ZCCHC8: variants seen among roughly 807,000 people sequenced by gnomAD.
The protein encoded by ZCCHC8 is zinc finger CCHC domain-containing protein 8.
ZCCHC8 carries 27 observed loss-of-function variants against 70.6 expected under a neutral mutation model. The ratio of observed to expected loss-of-function variants is 0.38; its 90% CI spans 0.28 to 0.53. The LOEUF is 0.53. Among genes scored for constraint, ZCCHC8 ranks in the 20% least tolerant of loss-of-function variants. The pLI, the probability that ZCCHC8 is intolerant of heterozygous loss-of-function variation, is 0.81. For synonymous variants in ZCCHC8, 293 were observed against 317.4 expected (o/e 0.92, Z 0.82); for missense variants, 737 against 876.9 (o/e 0.84, Z 2.01).
Position 122,483,096 on chromosome 12 carries a change from A to G in ZCCHC8, c.671+183T>C, listed in dbSNP as rs1341766473. ...CAGGCACATTAGGTGAGAACCAATG[A>G]ATTCCAGGAAGCAGATGATTCATTT... On this transcript the variant is annotated intron_variant, in intron 7 of 13. Coordinates refer to ENST00000633063, the MANE Select transcript of ZCCHC8 (RefSeq NM_017612.5). The surrounding 1 kb of genome is among the most constrained non-coding windows in gnomAD (Gnocchi z 4.4). 3.2e-6 allele frequency: 2 copies of G among 634,152 alleles called. No individual in the cohort carries two copies. Among genetic ancestry groups the G allele is most frequent in the Non-Finnish European group, 5.3e-6 (2 of 375,030 alleles). 39.3% of individuals were successfully genotyped at this position (634,152 alleles called of 1,614,324 possible).
chr12:122,484,755 T>C (rs989891783), intron 5 of ZCCHC8, among the ~76,000 whole-genome samples: 3 of 152,096 alleles, frequency 2.0e-5, no homozygotes. Flanking sequence ...TCTATACATA[T>C]CACTGGGCTG....
Position 122,473,815 on chromosome 12 carries a change from C to T in ZCCHC8, c.1806G>A (p.Glu602=). 6.2e-7 allele frequency: 1 copy of T among 1,613,636 alleles called. No homozygotes were observed. The highest frequency in any genetic ancestry group is 8.5e-7 in the Non-Finnish European group (1 of 1,179,770). ...TTTCCTTCTGACAAAGTGATGTCAC[C>T]TCAGAGTCTGGACTGGAGGCATGTC... The part of the protein sequence containing the change: ...EAGHASSPDS[E]VTSLCQKEKA... Residue 602 remains glutamate (E), a synonymous_variant, in exon 14 of 14, where the codon GAG becomes GAA. Transcript: ENST00000633063.
At chr12:122,499,166 T>G (rs1342459328) in intron 1 of ZCCHC8, 2 of 437,684 alleles carry the variant, frequency 4.6e-6, no homozygotes, top group Admixed American at 3.9e-5. Flanking sequence ...CTGTCAAACC[T>G]TTCAACAACC....
intron 5 of ZCCHC8, among the ~76,000 whole-genome samples, chr12:122,485,740 G>A (rs1032371382): frequency 2.7e-5 from 4 of 150,470 alleles, no homozygotes; most frequent in African/African-American, 9.8e-5. Context: ...GCGCGATCTC[G>A]GCTCACTGCA....
At chr12:122,486,866 G>T (rs2137348920) in intron 5 of ZCCHC8, among the ~76,000 whole-genome samples, 1 of 152,242 alleles carries the variant, frequency 6.6e-6, no homozygotes, top group African/African-American at 2.4e-5. Context: ...CGCCGTGCCA[G>T]GCCACGGGCC....
intron 2 of ZCCHC8, among the ~76,000 whole-genome samples, chr12:122,493,528 TC>T (rs1467152007): frequency 6.6e-6 from 1 of 151,604 alleles, no homozygotes; most frequent in Non-Finnish European, 1.5e-5. Context: ...TTCAAGCAAT[TC>T]TCCTGCCTCA....
chr12:122,473,648 C>A lies in ZCCHC8; in HGVS notation c.1973G>T (p.Ser658Ile). 1 of 1,613,968 alleles carries A rather than the reference C, an allele frequency of 6.2e-7. No homozygotes were observed. The highest frequency in any genetic ancestry group is 8.5e-7 in the Non-Finnish European group (1 of 1,179,888). Residue 658 changes from serine (S) to isoleucine (I), a missense_variant, in exon 14 of 14, where the codon AGC (serine) becomes ATC (isoleucine). Coordinates refer to ENST00000633063, the MANE Select transcript of ZCCHC8 (RefSeq NM_017612.5). ...TSPSTATKIH[S>I]PIPDMSKFAT... The stretch of plus-strand genomic sequence containing the variant: ...AAATTTGCTCATGTCAGGTATAGGG[C>A]TATGAATTTTAGTGGCCGTTGAAGG...
chr12:122,475,297 G>A (rs149060578), intron 13 of ZCCHC8, among the ~76,000 whole-genome samples: 1 of 152,024 alleles, frequency 6.6e-6, no homozygotes, highest in Non-Finnish European at 1.5e-5. Context: ...CGCCCACCTC[G>A]GCCTCCCAAA....
chr12:122,481,661 C>G lies in ZCCHC8; in HGVS notation c.879G>C (p.Glu293Asp). The part of the protein sequence containing the change: ...FGRFKPGVIS[E>D]ELQDALGVTD... ...TCACACCTAGTGCATCTTGAAGTTC[C>G]TCACTAAGTAAAAATAAAGGAGGAA... Residue 293 changes from glutamate (E) to aspartate (D), a missense_variant, in exon 10 of 14, where the codon GAG becomes GAC. Transcript: ENST00000633063. 6.2e-7 allele frequency: 1 copy of G among 1,610,274 alleles called. No individual in the cohort carries two copies. The highest frequency in any genetic ancestry group is 8.5e-7 in the Non-Finnish European group (1 of 1,178,990).
intron 4 of ZCCHC8, 73 bp from the exon 5 acceptor site, chr12:122,489,536 T>A: frequency 1.5e-6 from 2 of 1,333,602 alleles, no homozygotes; most frequent in Non-Finnish European, 2.1e-6. Context: ...TTAGTAAGTT[T>A]AGAAATTAAG....
chr12:122,478,082 G>T (rs1957454934), intron 12 of ZCCHC8, 124 bp from the exon 13 acceptor site: 5 of 1,211,374 alleles, frequency 4.1e-6, no homozygotes, highest in Admixed American at 4.0e-5. Context: ...GGTGAATTTT[G>T]CCACTGTTTT....
chr12:122,482,926 C>T lies in ZCCHC8; in HGVS notation c.672-231G>A, dbSNP rs1375464141. On this transcript the variant is annotated intron_variant, in intron 7 of 13. Coordinates refer to ENST00000633063, the MANE Select transcript of ZCCHC8 (RefSeq NM_017612.5). ...CCTTCTGTTCCTGACTGATCTGTTA[C>T]CTCTTTTGAGTTTTTTCAGTGGTTA... 5.7e-6 allele frequency: 3 copies of T among 523,590 alleles called. No homozygotes were observed. The African/African-American group carries it at 5.7e-5, about 10-fold the overall frequency. 32.4% of individuals were successfully genotyped at this position (523,590 alleles called of 1,614,324 possible).
chr12:122,498,838 C>G lies in ZCCHC8; in HGVS notation c.231G>C (p.Leu77=). The change falls in exon 2 of 14, where the codon CTG becomes CTC. Residue 77 remains leucine (L), a synonymous_variant. Coordinates refer to ENST00000633063, the MANE Select transcript of ZCCHC8 (RefSeq NM_017612.5). The stretch of plus-strand genomic sequence containing the variant: ...CAAAAATCTCATACCTCGGTCGAGT[C>G]AGAATGTTCAATTTTCGTTTAAGTT... ...NQELKRKLNI[L]TRPSGILVND... is the part of the protein sequence containing the mutation. The G allele has an allele frequency of 6.2e-7, 1 of 1,613,404 alleles. No individual in the cohort carries two copies. The highest frequency in any genetic ancestry group is 2.2e-5 in the East Asian group (1 of 44,796).
chr12:122,482,677 G>GAAAC lies in ZCCHC8; in HGVS notation c.686_689dup (p.Phe230LeufsTer7). Reference sequence around the variant, plus strand: ...TTTGGTGTTCTTCAGAACCACAATTGAAACAGTGAGGCTTTGGCCTATTTG... The same window carrying GAAAC: ...TTTGGTGTTCTTCAGAACCACAATTGAAACAAACAGTGAGGCTTTGGCCTATTTG... On this transcript the variant is annotated frameshift_variant, in exon 8 of 14. Transcript: ENST00000633063. LOFTEE classifies it high-confidence loss of function. The GAAAC allele has an allele frequency of 6.2e-7, 1 of 1,607,670 alleles. No homozygotes were observed. The highest frequency in any genetic ancestry group is 8.5e-7 in the Non-Finnish European group (1 of 1,176,396).
rs759708916 is a variant in ZCCHC8 at position 122,473,805 on chromosome 12, G to A, written c.1816C>T (p.Leu606Phe). 8 of 1,613,338 alleles carry A rather than the reference G, an allele frequency of 5.0e-6. No homozygotes were observed. The highest frequency in any genetic ancestry group is 1.1e-5 in the South Asian group (1 of 91,034). ...ASSPDSEVTSLCQKEKAELAP... is the reference protein window; with the variant it reads ...ASSPDSEVTSFCQKEKAELAP... ...AACTCTGCTTTTTCCTTCTGACAAA[G>A]TGATGTCACCTCAGAGTCTGGACTG... The change falls in exon 14 of 14, where the codon CTT becomes TTT. Residue 606 changes from leucine (L) to phenylalanine (F), a missense_variant. Transcript: ENST00000633063.
chr12:122,499,494 C>T (rs1957882292), intron 1 of ZCCHC8: 1 of 153,208 alleles, frequency 6.5e-6, no homozygotes, highest in East Asian at 1.9e-4. Flanking sequence ...CCTCCTGATC[C>T]TCATGATCCA....
intron 3 of ZCCHC8, among the ~76,000 whole-genome samples, chr12:122,491,529 CAAA>C (rs555175551): frequency 7.9e-5 from 5 of 63,352 alleles, no homozygotes; most frequent in Admixed American, 3.9e-4. Context: ...AACTCCATCT[CAAA>C]AAAAAAAAAA....
intron 5 of ZCCHC8, among the ~76,000 whole-genome samples, chr12:122,488,586 T>C (rs567431703): frequency 2.0e-5 from 3 of 150,350 alleles, no homozygotes; most frequent in South Asian, 2.2e-4. Context: ...AAATATTATA[T>C]GCTGCGCTGG....
chr12:122,496,069 A>C (rs1319822310), intron 2 of ZCCHC8, among the ~76,000 whole-genome samples: 1 of 151,936 alleles, frequency 6.6e-6, no homozygotes, highest in Non-Finnish European at 1.5e-5. Context: ...CAGGAGGCTG[A>C]GATGGGAGGA....
Sources: gnomAD v4.1 joint callset for allele counts (sites outside exome capture counted in the v4.1 genomes callset) on GRCh38, gnomAD v4.1.1 for gene constraint, Gnocchi (gnomAD v3.1) non-coding constraint, MANE v1.5 for transcripts, NCBI Gene and HGNC (gene_info 2026-07-23, HGNC 2026-07-21) for gene names.